CAPN13: variants seen among roughly 807,000 people sequenced by gnomAD.
The protein encoded by CAPN13 is calpain 13.
CAPN13 carries 90 observed loss-of-function variants against 98.4 expected under a neutral mutation model. The observed-to-expected ratio is 0.92, with a 90% CI of 0.77 to 1.09. The LOEUF is 1.09. Ranked by LOEUF, CAPN13 falls within the 50% of genes least tolerant of loss-of-function variation. The pLI is 0.00. For synonymous variants in CAPN13, 330 were observed against 305.5 expected (o/e 1.08, Z -0.84); for missense variants, 887 against 841.3 (o/e 1.05, Z -0.67).
At chr2:30,782,773 G>T (rs1281381477) in intron 2 of CAPN13, among the ~76,000 whole-genome samples, 1 of 152,130 alleles carries the variant, frequency 6.6e-6, no homozygotes, top group East Asian at 1.9e-4. Context: ...CTATAAAATG[G>T]GTACAAAGAT....
At chr2:30,795,612 C>G (rs1197676549) in intron 1 of CAPN13, among the ~76,000 whole-genome samples, 1 of 151,954 alleles carries the variant, frequency 6.6e-6, no homozygotes, top group Non-Finnish European at 1.5e-5. Flanking sequence ...TTGTCTTTTT[C>G]TTATTGATTT....
chr2:30,805,240 G>A (rs533542566), intron 1 of CAPN13, among the ~76,000 whole-genome samples: 117 of 152,294 alleles, frequency 7.7e-4, no homozygotes, highest in Non-Finnish European at 1.3e-3. Flanking sequence ...ACCCTTGCTC[G>A]GATAGACTCT....
intron 4 of CAPN13, among the ~76,000 whole-genome samples, 197 bp from the exon 5 acceptor site, chr2:30,770,646 A>G (rs1343033485): frequency 1.3e-5 from 2 of 152,260 alleles, no homozygotes; most frequent in African/African-American, 4.8e-5. Context: ...AATGAGTCAC[A>G]GACCAACTTA....
chr2:30,783,846 G>A (rs752560698), intron 2 of CAPN13, among the ~76,000 whole-genome samples: 1 of 152,210 alleles, frequency 6.6e-6, no homozygotes, highest in Non-Finnish European at 1.5e-5. Flanking sequence ...CACTCAGCAA[G>A]CTATAGCTTG....
At chr2:30,798,980 C>T (rs1675032007) in intron 1 of CAPN13, among the ~76,000 whole-genome samples, 1 of 152,034 alleles carries the variant, frequency 6.6e-6, no homozygotes, top group Non-Finnish European at 1.5e-5. Flanking sequence ...TTTAGCTACC[C>T]GAGTGGAGAA....
At chr2:30,731,294 G>C in intron 21 of CAPN13, 50 bp downstream of exon 21, 1 of 1,525,516 alleles carries the variant, frequency 6.6e-7, no homozygotes. Context: ...ATCAAGTCAG[G>C]GGAGGCAGCC....
chr2:30,758,177 C>A, intron 7 of CAPN13, 40 bp from the exon 8 acceptor site: 1 of 1,456,048 alleles, frequency 6.9e-7, no homozygotes, highest in Non-Finnish European at 9.3e-7. Flanking sequence ...TGCTCTACAG[C>A]AAAAGTCAGC....
At chr2:30,786,296 T>G (rs947067145) in intron 2 of CAPN13, among the ~76,000 whole-genome samples, 6 of 152,232 alleles carry the variant, frequency 3.9e-5, no homozygotes, top group Non-Finnish European at 7.3e-5. Context: ...TATCTCATTC[T>G]AGGTTATGCT....
intron 1 of CAPN13, among the ~76,000 whole-genome samples, chr2:30,799,885 A>T (rs1675089287): frequency 6.6e-6 from 1 of 152,062 alleles, no homozygotes; most frequent in Non-Finnish European, 1.5e-5. Flanking sequence ...CATCCTAGCT[A>T]ACACGGTGAA....
Position 30,736,503 on chromosome 2 carries a change from C to T in CAPN13, c.1722G>A (p.Gln574=). 1 of 1,613,924 alleles carries T rather than the reference C, an allele frequency of 6.2e-7. No individual in the cohort carries two copies. Among genetic ancestry groups the T allele is most frequent in the South Asian group, 1.1e-5 (1 of 91,078 alleles). The change falls in exon 18 of 23, where the codon CAG becomes CAA. Residue 574 remains glutamine, a splice_region_variant and synonymous_variant. Transcript: ENST00000295055. ...CTAGTCACAGAGAATGTGCCCGTAC[C>T]TGGTAGTGAACAAGGCGCTTCCACA... The part of the protein sequence containing the change: ...ARLWKRLVHY[Q]HVFQKVQTSP...
At chr2:30,790,767 C>A (rs995830651) in intron 1 of CAPN13, among the ~76,000 whole-genome samples, 1 of 152,222 alleles carries the variant, frequency 6.6e-6, no homozygotes, top group Non-Finnish European at 1.5e-5. Flanking sequence ...CTCCCACATG[C>A]TTAGCGTTCC....
Position 30,745,734 on chromosome 2 carries a change from C to A in CAPN13, c.1237G>T (p.Ala413Ser). 6.3e-7 allele frequency: 1 copy of A among 1,595,894 alleles called. No individual in the cohort carries two copies. Among genetic ancestry groups the A allele is most frequent in the Non-Finnish European group, 8.5e-7 (1 of 1,178,626 alleles). The change falls in exon 12 of 23, where the codon GCT becomes TCT. Residue 413 changes from alanine to serine, a missense_variant and splice_region_variant. Physicochemically the swap from Ala to Ser is moderately conservative, Grantham distance 99 (BLOSUM62 1). Coordinates refer to ENST00000295055, the MANE Select transcript of CAPN13 (RefSeq NM_144575.3). ...ACGCTGAGCCATACCTGTGAGCCAGCCTGTTGGAAACAGGGAGAAAGGCAG... is the reference window on the plus strand; with the variant it reads ...ACGCTGAGCCATACCTGTGAGCCAGACTGTTGGAAACAGGGAGAAAGGCAG... ...KFPLDFQVIL[A>S]GSQRFREKFP...
intron 7 of CAPN13, among the ~76,000 whole-genome samples, chr2:30,762,010 A>G (rs1260624311): frequency 1.3e-5 from 2 of 152,210 alleles, no homozygotes; most frequent in Non-Finnish European, 1.5e-5. Context: ...CTCAGGGCTT[A>G]GAAGACATTA....
chr2:30,774,526 A>G (rs1230053852), intron 4 of CAPN13, among the ~76,000 whole-genome samples: 1 of 152,200 alleles, frequency 6.6e-6, no homozygotes, highest in East Asian at 1.9e-4. Context: ...AGAGATTCAT[A>G]TAAGCAACTC....
Position 30,723,171 on chromosome 2 carries a change from C to A in CAPN13, c.*96G>T. On this transcript the variant is annotated 3_prime_UTR_variant, in exon 23 of 23. Transcript: ENST00000295055. ...GGCTGGTTTAGATTTATCACAACCACCATACTGGGCAGCACAGCCTCTTAG... is the reference window on the plus strand; with the variant it reads ...GGCTGGTTTAGATTTATCACAACCAACATACTGGGCAGCACAGCCTCTTAG... 6.6e-6 allele frequency: 1 copy of A among 152,358 alleles called. No individual in the cohort carries two copies. The allele number at this position is 152,358 out of a possible 1,614,324, so 9.4% of individuals were successfully genotyped here.
chr2:30,768,033 TCTC>T (rs1422884222), intron 5 of CAPN13, among the ~76,000 whole-genome samples: 7 of 152,180 alleles, frequency 4.6e-5, no homozygotes, highest in Non-Finnish European at 8.8e-5. Context: ...CCACTCATTT[TCTC>T]CTCAAGGGCA....
At chr2:30,751,888 A>C (rs191474918) in intron 10 of CAPN13, among the ~76,000 whole-genome samples, 25 of 152,374 alleles carry the variant, frequency 1.6e-4, no homozygotes, top group African/African-American at 5.8e-4. Context: ...GTGCATTAAA[A>C]TGCATCTGCA....
intron 1 of CAPN13, among the ~76,000 whole-genome samples, chr2:30,798,324 G>T (rs866510073): frequency 6.6e-6 from 1 of 152,220 alleles, no homozygotes; most frequent in African/African-American, 2.4e-5. Context: ...GGTGGAAATG[G>T]TTGAGCAGAG....
chr2:30,798,409 C>T (rs1675000317), intron 1 of CAPN13, among the ~76,000 whole-genome samples: 1 of 152,094 alleles, frequency 6.6e-6, no homozygotes, highest in African/African-American at 2.4e-5. Flanking sequence ...ACCTACTGAG[C>T]TCTCTCTCTG....
Sources: allele counts gnomAD v4.1 joint callset (sites outside exome capture counted in the v4.1 genomes callset), GRCh38; gene constraint gnomAD v4.1.1; transcripts MANE v1.5; gene names NCBI Gene and HGNC (gene_info 2026-07-23, HGNC 2026-07-21).